Variants in KCNQ1 observed in about 807,000 individuals in gnomAD.
KCNQ1 encodes potassium voltage-gated channel subfamily KQT member 1.
KCNQ1 carries 49 observed loss-of-function variants against 72.4 expected under a neutral mutation model. The observed-to-expected ratio is 0.68, with a 90% CI of 0.54 to 0.86. KCNQ1 has a LOEUF of 0.86. Ranked by LOEUF, KCNQ1 falls within the 40% of genes least tolerant of loss-of-function variation. The pLI is 0.00. For missense variants in KCNQ1, 790 were observed against 945.1 expected, an observed-to-expected ratio of 0.84 and a Z score of 2.15; for synonymous variants, 450 against 412.6, an observed-to-expected ratio of 1.09 and a Z score of -1.10.
chr11:2,509,415 G>A lies in KCNQ1; in HGVS notation c.387-18513G>A, dbSNP rs991119189. ...GCCAGACTTGGCTCCCTTTGCTCCAGTGAGTGGCCGTTGGCTGGGAGGCTG... is the reference window on the plus strand; with the variant it reads ...GCCAGACTTGGCTCCCTTTGCTCCAATGAGTGGCCGTTGGCTGGGAGGCTG... On this transcript the variant is annotated intron_variant, in intron 1 of 15. Transcript: ENST00000155840. The surrounding 1 kb of genome is among the most constrained non-coding windows in gnomAD (Gnocchi z 6.3). 6.6e-6 allele frequency among the ~76,000 whole-genome samples: 1 copy of A among 152,162 alleles called. No individual in the cohort carries two copies. The highest frequency in any genetic ancestry group is 1.5e-5 in the Non-Finnish European group (1 of 68,032).
At chr11:2,589,559 G>A (rs555844899) in intron 10 of KCNQ1, among the ~76,000 whole-genome samples, 8 of 152,214 alleles carry the variant, frequency 5.3e-5, no homozygotes, top group East Asian at 1.9e-4. Context: ...GGCTGGGCTC[G>A]TGTGCTCCAG....
rs778309080 is a variant in KCNQ1, at chr11:2,725,115, G to A, written c.1515-43729G>A. On this transcript the variant is annotated intron_variant, in intron 11 of 15. Transcript: ENST00000155840. This position sits in a 1 kb window ranked among gnomAD's most constrained non-coding sequence, Gnocchi z 7.2. ...CACGTCTTGAAGCAGTGCTGGACCC[G>A]TTTCAGCTCCAGGGGAGAGCCAGGG... Among the ~76,000 whole-genome samples, 4 of 152,180 alleles carry A rather than the reference G, an allele frequency of 2.6e-5. No homozygotes were observed. The highest frequency in any genetic ancestry group is 4.4e-5 in the Non-Finnish European group (3 of 68,034).
chr11:2,702,918 G>A (rs972736322), intron 11 of KCNQ1, among the ~76,000 whole-genome samples: 4 of 152,170 alleles, frequency 2.6e-5, no homozygotes, highest in African/African-American at 9.7e-5. Flanking sequence ...AGCCAGCGCC[G>A]CCTGCCAGCC....
Position 2,695,618 on chromosome 11 carries a change from C to A in KCNQ1, c.1514+33537C>A. 1 of 398,550 alleles carries A rather than the reference C, an allele frequency of 2.5e-6. No individual in the cohort carries two copies. The highest frequency in any genetic ancestry group is 6.3e-4 in the Middle Eastern group (1 of 1,588). The allele number at this position is 398,550 out of a possible 1,614,324, so 24.7% of individuals were successfully genotyped here. ...GGTGAGAACTGCTCCAGCATGTTTA[C>A]TTAGGAGGGAAACTGCTGGGCCACA... On this transcript the variant is annotated intron_variant, in intron 11 of 15. Coordinates refer to ENST00000155840, the MANE Select transcript of KCNQ1 (RefSeq NM_000218.3). The surrounding 1 kb of genome is among the most constrained non-coding windows in gnomAD (Gnocchi z 5.2).
intron 2 of KCNQ1, among the ~76,000 whole-genome samples, chr11:2,568,276 A>G (rs1848275203): frequency 1.6e-5 from 1 of 63,502 alleles, no homozygotes; most frequent in Non-Finnish European, 2.6e-5. Flanking sequence ...CTGTCTCATA[A>G]ATAAATAAAT....
intron 10 of KCNQ1, chr11:2,648,673 AC>A (rs1427549854): frequency 7.5e-6 from 3 of 398,300 alleles, no homozygotes; most frequent in African/African-American, 2.1e-5. Context: ...ATTTATTGAG[AC>A]CCGTTTTGTG....
chr11:2,839,601 G>GA (rs1564912545), intron 15 of KCNQ1: 1 of 148,744 alleles, frequency 6.7e-6, no homozygotes, highest in Non-Finnish European at 1.5e-5. Flanking sequence ...CGTGCGGGCC[G>GA]AGAGGAAGAG....
At position 2,816,829 on chromosome 11, in the gene KCNQ1, T is replaced by C. The variant is rs574438051; in HGVS notation, c.1795-30938T>C. Reference sequence around the variant, plus strand: ...GCCCCTGCCCCCTCCATTTCAGACATCTCCATCTGATGTCTGAGCCCTGAA... The same window carrying C: ...GCCCCTGCCCCCTCCATTTCAGACACCTCCATCTGATGTCTGAGCCCTGAA... On this transcript the variant is annotated intron_variant, in intron 15 of 15. Coordinates refer to ENST00000155840, the MANE Select transcript of KCNQ1 (RefSeq NM_000218.3). The surrounding 1 kb of genome is among the most constrained non-coding windows in gnomAD (Gnocchi z 6.8). Among the ~76,000 whole-genome samples the C allele has an allele frequency of 1.6e-4, 25 of 151,796 alleles. No individual in the cohort carries two copies. Among genetic ancestry groups the C allele is most frequent in the South Asian group, 8.3e-4 (4 of 4,800 alleles).
At chr11:2,706,821 A>G (rs1850918742) in intron 11 of KCNQ1, among the ~76,000 whole-genome samples, 1 of 152,128 alleles carries the variant, frequency 6.6e-6, no homozygotes, top group Non-Finnish European at 1.5e-5. Flanking sequence ...CCTCGTGAGA[A>G]CCACTCCCCG....
At chr11:2,525,157 ACT>A (rs1589929399) in intron 1 of KCNQ1, among the ~76,000 whole-genome samples, 1 of 151,688 alleles carries the variant, frequency 6.6e-6, no homozygotes, top group African/African-American at 2.4e-5. Flanking sequence ...TGGCACAAAG[ACT>A]CTTCTAAGAA....
Position 2,664,853 on chromosome 11 carries a change from C to T in KCNQ1, c.1514+2772C>T. On this transcript the variant is annotated intron_variant, in intron 11 of 15. Transcript: ENST00000155840. This position sits in a 1 kb window ranked among gnomAD's most constrained non-coding sequence, Gnocchi z 5.1. ...TGTTAAATGTATTACCATGCTGGGC[C>T]AGTTCCAGAATTCAAATTAAAAACA... 2.5e-6 allele frequency: 1 copy of T among 398,626 alleles called. No individual in the cohort carries two copies. The highest frequency in any genetic ancestry group is 4.4e-6 in the Non-Finnish European group (1 of 226,072). 24.7% of individuals were successfully genotyped at this position (398,626 alleles called of 1,614,324 possible).
intron 10 of KCNQ1, among the ~76,000 whole-genome samples, chr11:2,606,848 G>T (rs1848887803): frequency 6.6e-6 from 1 of 151,540 alleles, no homozygotes; most frequent in African/African-American, 2.4e-5. Flanking sequence ...GATCTTAACG[G>T]GGAAACATTC....
In KCNQ1 at chr11:2,511,155, G is replaced by A. The variant is rs556536117; in HGVS notation, c.387-16773G>A. Among the ~76,000 whole-genome samples, 6 of 152,332 alleles carry A rather than the reference G, an allele frequency of 3.9e-5. No homozygotes were observed. In the South Asian group the frequency reaches 1.2e-3, roughly 32 times the overall value. On this transcript the variant is annotated intron_variant, in intron 1 of 15. Coordinates refer to ENST00000155840, the MANE Select transcript of KCNQ1 (RefSeq NM_000218.3). ...ACACTACGTGCCTCCTGGGTTGGGGGCAGCAGGGACAAAAGCCAGGCATGG... is the reference window on the plus strand; with the variant it reads ...ACACTACGTGCCTCCTGGGTTGGGGACAGCAGGGACAAAAGCCAGGCATGG...
In KCNQ1 at chr11:2,678,262, C is replaced by T; in HGVS notation, c.1514+16181C>T. 1 of 398,392 alleles carries T rather than the reference C, an allele frequency of 2.5e-6. No homozygotes were observed. The highest frequency in any genetic ancestry group is 4.4e-6 in the Non-Finnish European group (1 of 225,976). 24.7% of individuals were successfully genotyped at this position (398,392 alleles called of 1,614,324 possible). On this transcript the variant is annotated intron_variant, in intron 11 of 15. Coordinates refer to ENST00000155840, the MANE Select transcript of KCNQ1 (RefSeq NM_000218.3). The surrounding 1 kb of genome is among the most constrained non-coding windows in gnomAD (Gnocchi z 4.9). ...CTTATCTTAAATTCTGAAATAACCTCTCATCCTGAAATTGTTTTAATAAAT... is the reference window on the plus strand; with the variant it reads ...CTTATCTTAAATTCTGAAATAACCTTTCATCCTGAAATTGTTTTAATAAAT...
chr11:2,688,650 T>C (rs1270433069), intron 11 of KCNQ1: 9 of 398,798 alleles, frequency 2.3e-5, no homozygotes, highest in Admixed American at 4.4e-5. Flanking sequence ...CTCCTAAACA[T>C]AGGGCTGCCT....
intron 10 of KCNQ1, chr11:2,622,300 G>A (rs1414486605): frequency 7.5e-6 from 3 of 398,126 alleles, no homozygotes; most frequent in Non-Finnish European, 1.3e-5. Context: ...AGTATGTAAT[G>A]TCCTCCTTTG....
chr11:2,798,684 G>A (rs2134021060), intron 15 of KCNQ1, among the ~76,000 whole-genome samples: 1 of 152,252 alleles, frequency 6.6e-6, no homozygotes, highest in Non-Finnish European at 1.5e-5. Context: ...TCTTACTTAT[G>A]GTCTGGAAAT....
At position 2,768,854 on chromosome 11, in the gene KCNQ1, C is replaced by T; in HGVS notation, c.1525C>T (p.His509Tyr). The change falls in exon 12 of 16, where the codon CAC becomes TAC. Residue 509 changes from histidine (H) to tyrosine (Y), a missense_variant. Coordinates refer to ENST00000155840, the MANE Select transcript of KCNQ1 (RefSeq NM_000218.3). The surrounding 1 kb of genome is among the most constrained non-coding windows in gnomAD (Gnocchi z 6.7). ...PITHISQLREHHRATIKVIRR... is the reference protein window; with the variant it reads ...PITHISQLREYHRATIKVIRR... Reference sequence around the variant, plus strand: ...CTCTCTCCACTGCAGGCTGCGGGAACACCATCGGGCCACCATTAAGGTCAT... The same window carrying T: ...CTCTCTCCACTGCAGGCTGCGGGAATACCATCGGGCCACCATTAAGGTCAT... The T allele has an allele frequency of 1.2e-6, 2 of 1,613,990 alleles. No homozygotes were observed. The highest frequency in any genetic ancestry group is 1.7e-6 in the Non-Finnish European group (2 of 1,179,910).
Position 2,679,850 on chromosome 11 carries a change from C to T in KCNQ1, c.1514+17769C>T, listed in dbSNP as rs1044137745. On this transcript the variant is annotated intron_variant, in intron 11 of 15. Transcript: ENST00000155840. The surrounding 1 kb of genome is among the most constrained non-coding windows in gnomAD (Gnocchi z 4.8). The stretch of plus-strand genomic sequence containing the variant: ...CTACTTCTGAATTTTATAGGACATG[C>T]ATTTTTTTCATATAAACTTAGAACT... 5.0e-6 allele frequency: 2 copies of T among 398,380 alleles called. No homozygotes were observed. Among genetic ancestry groups the T allele is most frequent in the Non-Finnish European group, 8.8e-6 (2 of 226,050 alleles). The allele number at this position is 398,380 out of a possible 1,614,324, so 24.7% of individuals were successfully genotyped here.
Sources: allele counts gnomAD v4.1 joint callset (sites outside exome capture counted in the v4.1 genomes callset), GRCh38; gene constraint gnomAD v4.1.1; non-coding constraint Gnocchi (gnomAD v3.1); transcripts MANE v1.5; gene names NCBI Gene and HGNC (gene_info 2026-07-23, HGNC 2026-07-21).